LRGUK: variants seen among roughly 807,000 people sequenced by gnomAD.
The protein encoded by LRGUK is leucine rich repeats and guanylate kinase domain containing, also known as leucine-rich repeat and guanylate kinase domain-containing protein.
In LRGUK, 65 loss-of-function variants were observed where a neutral mutation model predicts 76.0. That is an observed-to-expected ratio of 0.85 (90% CI 0.70 to 1.05). The LOEUF (loss-of-function observed/expected upper bound fraction) is 1.05. LRGUK is among the 50% of genes least tolerant of loss of function. The pLI, the probability that LRGUK is intolerant of heterozygous loss-of-function variation, is 0.00. For missense variants in LRGUK, 758 were observed against 732.8 expected (o/e 1.03, Z -0.40); for synonymous variants, 268 against 265.6 (o/e 1.01, Z -0.09).
chr7:134,161,640 G>C (rs537735123), intron 6 of LRGUK, among the ~76,000 whole-genome samples: 60 of 150,192 alleles, frequency 4.0e-4, no homozygotes, highest in Admixed American at 6.6e-4. Context: ...AAATGTACCA[G>C]AAAACGTGTA....
intron 4 of LRGUK, among the ~76,000 whole-genome samples, chr7:134,146,813 AT>A (rs1797988728): frequency 6.6e-6 from 1 of 152,186 alleles, no homozygotes; most frequent in South Asian, 2.1e-4. Flanking sequence ...TGAAATCACT[AT>A]TTTAAAGGGC....
At chr7:134,201,812 G>A (rs1800784542) in intron 15 of LRGUK, among the ~76,000 whole-genome samples, 1 of 152,152 alleles carries the variant, frequency 6.6e-6, no homozygotes, top group South Asian at 2.1e-4. Context: ...TCAGGAACAG[G>A]CTAGGCAGTG....
At chr7:134,273,928 A>C in the LRGUK span, among the ~76,000 whole-genome samples, 1 of 152,158 alleles carries the variant, frequency 6.6e-6, no homozygotes, top group East Asian at 1.9e-4. Context: ...TTTGTTATAA[A>C]TATTCATCTT....
At chr7:134,177,373 A>G (rs1799527169) in intron 9 of LRGUK, among the ~76,000 whole-genome samples, 1 of 152,222 alleles carries the variant, frequency 6.6e-6, no homozygotes, top group African/African-American at 2.4e-5. Context: ...TCAGTTTGAA[A>G]AACTTTCCTG....
At chr7:134,214,577 A>G (rs1052383907), downstream of LRGUK, among the ~76,000 whole-genome samples, 6 of 152,284 alleles carry the variant, frequency 3.9e-5, no homozygotes, top group Non-Finnish European at 7.4e-5. Flanking sequence ...ATAGAAGAAT[A>G]TTTAATTAGA....
intron 3 of LRGUK, among the ~76,000 whole-genome samples, chr7:134,142,528 G>A (rs889342490): frequency 6.6e-6 from 1 of 152,144 alleles, no homozygotes; most frequent in African/African-American, 2.4e-5. Context: ...TCAAATAACA[G>A]CAATGAGTTA....
chr7:134,156,305 C>T (rs557919920), intron 5 of LRGUK, among the ~76,000 whole-genome samples: 2 of 151,818 alleles, frequency 1.3e-5, no homozygotes, highest in African/African-American at 4.8e-5. Flanking sequence ...GATTTATTGT[C>T]ATTTTTAATG....
intron 13 of LRGUK, among the ~76,000 whole-genome samples, chr7:134,198,317 A>G (rs1036497454): frequency 1.3e-5 from 2 of 152,206 alleles, no homozygotes; most frequent in Non-Finnish European, 2.9e-5. Flanking sequence ...TTTTGTGTCT[A>G]TCTTTCACTG....
Position 134,210,111 on chromosome 7 carries a change from C to A in LRGUK, c.3248C>A (p.Thr1083Lys), listed in dbSNP as rs1048889767. 3.8e-5 allele frequency: 15 copies of A among 399,270 alleles called. No homozygotes were observed. In the East Asian group the frequency reaches 5.3e-4, roughly 14 times the overall value. 24.7% of individuals were successfully genotyped at this position (399,270 alleles called of 1,614,324 possible). Residue 1083 changes from threonine to lysine, a missense_variant, in exon 16 of 16, where the codon ACG becomes AAG. Thr to Lys is a moderately conservative substitution (Grantham distance 78, BLOSUM62 -1). Transcript: ENST00000645682. ...AAAAAGCTCCCCAACCAGAAAGGGA[C>A]GGCTAGAGGACTGGCACCTCTGGAA...
At chr7:134,192,690 G>A (rs532448642) in intron 12 of LRGUK, among the ~76,000 whole-genome samples, 1 of 152,292 alleles carries the variant, frequency 6.6e-6, no homozygotes, top group African/African-American at 2.4e-5. Flanking sequence ...TGAAGGAGTA[G>A]CTCATATTTT....
intron 2 of LRGUK, among the ~76,000 whole-genome samples, 194 bp from the exon 3 acceptor site, chr7:134,139,241 CT>C (rs1363707332): frequency 6.6e-6 from 1 of 151,994 alleles, no homozygotes; most frequent in Non-Finnish European, 1.5e-5. Context: ...CTATTATTTT[CT>C]TCAAAGGAAG....
At chr7:134,207,574 C>G (rs1267806018) in intron 15 of LRGUK, among the ~76,000 whole-genome samples, 1 of 152,174 alleles carries the variant, frequency 6.6e-6, no homozygotes, top group Non-Finnish European at 1.5e-5. Flanking sequence ...TGATGGGATG[C>G]AAAGGGTGCG....
At chr7:134,223,675 A>G (rs1255741040) in intron 16 of LRGUK, among the ~76,000 whole-genome samples, 1 of 152,098 alleles carries the variant, frequency 6.6e-6, no homozygotes, top group African/African-American at 2.4e-5. Flanking sequence ...CCTCATAACC[A>G]CCATGGTTGA....
At chr7:134,178,945 A>C (rs980089747) in intron 10 of LRGUK, among the ~76,000 whole-genome samples, 1 of 149,936 alleles carries the variant, frequency 6.7e-6, no homozygotes. Context: ...AAAAAAAAAA[A>C]AAACCAGGAC....
At chr7:134,272,835 A>C in the LRGUK span, among the ~76,000 whole-genome samples, 1 of 152,152 alleles carries the variant, frequency 6.6e-6, no homozygotes, top group Non-Finnish European at 1.5e-5. Context: ...CAAACTTTTA[A>C]TTTTAAGTGC....
exon 1 of LRGUK, chr7:134,127,521 G>A (rs774731764): frequency 6.2e-7 from 1 of 1,614,208 alleles, no homozygotes; most frequent in Non-Finnish European, 8.5e-7. Flanking sequence ...GAAGACGAAA[G>A]GCAGCTCTAA....
intron 18 of LRGUK, among the ~76,000 whole-genome samples, chr7:134,253,781 C>G (rs567850305): frequency 5.6e-4 from 86 of 152,334 alleles, no homozygotes; most frequent in African/African-American, 1.9e-3. Context: ...TGCCACTACA[C>G]TCCAGTCTGG....
chr7:134,144,595 A>T (rs571260376), intron 4 of LRGUK, among the ~76,000 whole-genome samples: 1 of 152,354 alleles, frequency 6.6e-6, no homozygotes, highest in East Asian at 1.9e-4. Context: ...TTTATTATCT[A>T]TTAGTTTTAT....
chr7:134,140,541 T>C (rs1797725644), intron 3 of LRGUK, among the ~76,000 whole-genome samples: 1 of 152,178 alleles, frequency 6.6e-6, no homozygotes, highest in African/African-American at 2.4e-5. Context: ...TGTATAATGT[T>C]TTTCTTTAGA....
Sources: allele counts gnomAD v4.1 joint callset (sites outside exome capture counted in the v4.1 genomes callset), GRCh38; gene constraint gnomAD v4.1.1; transcripts MANE v1.5; gene names NCBI Gene and HGNC (gene_info 2026-07-23, HGNC 2026-07-21).